The following ULK4 variants were observed in gnomAD, a reference collection of about 807,000 sequenced individuals.
ULK4 encodes the protein inactive serine/threonine-protein kinase ULK4.
In ULK4, 133 loss-of-function variants were observed where a neutral mutation model predicts 160.6. The observed-to-expected ratio is 0.83, with a 90% CI of 0.72 to 0.96. The LOEUF (loss-of-function observed/expected upper bound fraction) is 0.96, where lower values mean the gene tolerates loss of function less well. ULK4 is among the 40% of genes least tolerant of loss of function. The pLI is 0.00. For synonymous variants in ULK4, 534 were observed against 539.8 expected (o/e 0.99, Z 0.15); for missense variants, 1,580 against 1,499.5 (o/e 1.05, Z -0.89).
intron 22 of ULK4, among the ~76,000 whole-genome samples, chr3:41,746,391 A>G (rs1320232194): frequency 6.6e-6 from 1 of 151,260 alleles, no homozygotes; most frequent in East Asian, 1.9e-4. Flanking sequence ...ATTGAAATTA[A>G]TGATGCAATA....
chr3:41,549,954 T>A (rs2087002363), intron 32 of ULK4, among the ~76,000 whole-genome samples: 2 of 152,154 alleles, frequency 1.3e-5, no homozygotes, highest in South Asian at 4.1e-4. Flanking sequence ...GAACACTATG[T>A]CTAGCAAACC....
intron 35 of ULK4, among the ~76,000 whole-genome samples, chr3:41,296,552 G>A (rs1406391749): frequency 1.3e-5 from 2 of 152,186 alleles, no homozygotes; most frequent in Non-Finnish European, 2.9e-5. Flanking sequence ...ACTCTGTAGG[G>A]AGGCTGCCAT....
chr3:41,412,341 A>C (rs1337681869), intron 34 of ULK4, among the ~76,000 whole-genome samples: 1 of 151,936 alleles, frequency 6.6e-6, no homozygotes, highest in Non-Finnish European at 1.5e-5. Context: ...GTTGTTCCCA[A>C]TATTTTCCCC....
intron 30 of ULK4, 99 bp from the exon 31 acceptor site, chr3:41,615,816 A>T: frequency 3.9e-6 from 4 of 1,024,760 alleles, no homozygotes; most frequent in Non-Finnish European, 5.8e-6. Flanking sequence ...TTTTATTGCT[A>T]AAATTCCATG....
At chr3:41,311,252 G>A (rs184590257) in intron 35 of ULK4, among the ~76,000 whole-genome samples, 93 of 152,310 alleles carry the variant, frequency 6.1e-4, no homozygotes, top group South Asian at 4.1e-4. Flanking sequence ...GGGTGTGTCC[G>A]TGAGGGCGTT....
intron 35 of ULK4, among the ~76,000 whole-genome samples, chr3:41,384,048 A>G (rs188936550): frequency 2.2e-4 from 34 of 152,328 alleles, no homozygotes; most frequent in Non-Finnish European, 1.8e-4. Flanking sequence ...TATCTCTCCA[A>G]GCATGCCTTA....
At chr3:41,829,363 T>G in intron 18 of ULK4, among the ~76,000 whole-genome samples, 1 of 145,932 alleles carries the variant, frequency 6.9e-6, no homozygotes, top group African/African-American at 2.5e-5. Flanking sequence ...ACAGGCAACC[T>G]ACAGAATGGG....
chr3:41,608,582 C>T (rs2032501255), intron 31 of ULK4, among the ~76,000 whole-genome samples: 1 of 152,108 alleles, frequency 6.6e-6, no homozygotes, highest in Admixed American at 6.5e-5. Flanking sequence ...TACTTTGTTC[C>T]ATCTATCAAA....
intron 34 of ULK4, among the ~76,000 whole-genome samples, chr3:41,417,699 C>A (rs886410745): frequency 2.0e-5 from 3 of 152,138 alleles, no homozygotes; most frequent in African/African-American, 7.2e-5. Context: ...ACATGCAGTC[C>A]TTTTAAGAGC....
At chr3:41,695,492 G>A (rs1370349089) in intron 27 of ULK4, among the ~76,000 whole-genome samples, 4 of 152,028 alleles carry the variant, frequency 2.6e-5, no homozygotes, top group African/African-American at 9.7e-5. Flanking sequence ...CATAAAATGA[G>A]GTAGCATTCA....
intron 30 of ULK4, among the ~76,000 whole-genome samples, chr3:41,640,683 T>G (rs1354548782): frequency 6.6e-6 from 1 of 152,194 alleles, no homozygotes; most frequent in Non-Finnish European, 1.5e-5. Flanking sequence ...AAAGGCATAG[T>G]GTACCTGAGA....
chr3:41,427,584 G>T (rs904936007), intron 34 of ULK4, among the ~76,000 whole-genome samples: 4 of 152,176 alleles, frequency 2.6e-5, no homozygotes, highest in Admixed American at 2.6e-4. Context: ...GATCAAGTTG[G>T]CTTCATCCCT....
intron 22 of ULK4, among the ~76,000 whole-genome samples, chr3:41,723,973 A>T (rs537024511): frequency 6.6e-6 from 1 of 152,368 alleles, no homozygotes; most frequent in African/African-American, 2.4e-5. Flanking sequence ...CACATTAAAA[A>T]TGCCTGTACA....
chr3:41,589,612 C>G (rs1026746233), intron 31 of ULK4, among the ~76,000 whole-genome samples: 6 of 152,038 alleles, frequency 3.9e-5, no homozygotes, highest in African/African-American at 1.4e-4. Flanking sequence ...GCCTTAGAAA[C>G]AGAACAGCCT....
At chr3:41,457,356 T>G (rs1033686966) in intron 33 of ULK4, among the ~76,000 whole-genome samples, 8 of 152,150 alleles carry the variant, frequency 5.3e-5, no homozygotes, top group Non-Finnish European at 1.2e-4. Context: ...AAGATCTGCA[T>G]AGTCATACGT....
At chr3:41,304,676 C>T (rs2079869391) in intron 35 of ULK4, among the ~76,000 whole-genome samples, 4 of 152,220 alleles carry the variant, frequency 2.6e-5, no homozygotes. Context: ...CCAGCTGGCA[C>T]TAGGCCATGA....
intron 35 of ULK4, among the ~76,000 whole-genome samples, chr3:41,279,255 T>TAAAAAGAAAAAAAA (rs2079296692): frequency 4.6e-5 from 2 of 43,072 alleles, no homozygotes; most frequent in Admixed American, 2.3e-4. Flanking sequence ...AAAAAAAGAG[T>TAAAAAGAAAAAAAA]AAAAAAAAAA....
intron 5 of ULK4, among the ~76,000 whole-genome samples, chr3:41,925,121 G>A (rs1457616030): frequency 6.6e-6 from 1 of 152,134 alleles, no homozygotes. Flanking sequence ...CAAGACGGCC[G>A]AATAGGAACA....
chr3:41,689,732 C>T (rs1440108057), intron 27 of ULK4, among the ~76,000 whole-genome samples: 1 of 152,094 alleles, frequency 6.6e-6, no homozygotes, highest in Non-Finnish European at 1.5e-5. Context: ...AAATCAATAC[C>T]ACAATGAGAT....
Sources: allele counts gnomAD v4.1 joint callset (sites outside exome capture counted in the v4.1 genomes callset), GRCh38; gene constraint gnomAD v4.1.1; transcripts MANE v1.5; gene names NCBI Gene and HGNC (gene_info 2026-07-23, HGNC 2026-07-21).